GLDN: variants seen among roughly 807,000 people sequenced by gnomAD.
The protein encoded by GLDN is gliomedin, also known as collomin.
A neutral mutation model predicts 56.5 loss-of-function variants in GLDN; 47 were observed. That is an observed-to-expected ratio of 0.83 (90% CI 0.66 to 1.06). The LOEUF (loss-of-function observed/expected upper bound fraction) is 1.06. Among genes scored for constraint, GLDN ranks in the 50% least tolerant of loss-of-function variants. The probability of loss-of-function intolerance (pLI) is 0.00; values close to 1 mark genes in which losing one functional copy is unlikely to be tolerated. For synonymous variants in GLDN, 332 were observed against 278.8 expected (o/e 1.19, Z -1.90); for missense variants, 782 against 714.3 (o/e 1.09, Z -1.08).
chr15:51,394,540 G>C (rs1361971464), intron 4 of GLDN, among the ~76,000 whole-genome samples: 1 of 152,114 alleles, frequency 6.6e-6, no homozygotes, highest in Non-Finnish European at 1.5e-5. Flanking sequence ...TTGAACCAGG[G>C]AGGCAGAGGT....
chr15:51,392,162 C>G (rs906996794), intron 4 of GLDN, among the ~76,000 whole-genome samples: 1 of 152,176 alleles, frequency 6.6e-6, no homozygotes, highest in Non-Finnish European at 1.5e-5. Context: ...ATGAAAGGTG[C>G]TAAGAGCTCC....
intron 9 of GLDN, among the ~76,000 whole-genome samples, chr15:51,403,936 G>A (rs540275379): frequency 6.6e-6 from 1 of 152,158 alleles, no homozygotes; most frequent in Non-Finnish European, 1.5e-5. Flanking sequence ...GGCATTTCAG[G>A]AGGTCAACAA....
Position 51,341,788 on chromosome 15 carries a change from T to G in GLDN, c.104T>G (p.Val35Gly). Residue 35 changes from valine (V) to glycine (G), a missense_variant, in exon 1 of 10, where the codon GTG (valine) becomes GGG (glycine). Coordinates refer to ENST00000335449, the MANE Select transcript of GLDN (RefSeq NM_181789.4). ...LLSALNAAGTVFALCQWRGLS... is the reference protein window; with the variant it reads ...LLSALNAAGTGFALCQWRGLS... ...TCGGCGCTCAACGCTGCGGGCACGG[T>G]GTTCGCGCTGTGCCAGTGGCGCGGG... The G allele has an allele frequency of 6.6e-7, 1 of 1,508,988 alleles. No individual in the cohort carries two copies. The highest frequency in any genetic ancestry group is 8.8e-7 in the Non-Finnish European group (1 of 1,137,836). 93.5% of individuals were successfully genotyped at this position (1,508,988 alleles called of 1,614,324 possible). A position where few individuals can be genotyped will look rare whatever the true frequency, so the allele number is the denominator to read the frequency against.
chr15:51,400,520 C>A, intron 8 of GLDN, 22 bp downstream of exon 8: 1 of 1,609,374 alleles, frequency 6.2e-7, no homozygotes, highest in Non-Finnish European at 8.5e-7. Flanking sequence ...CGGCCTATGA[C>A]CCATATCTGT....
intron 4 of GLDN, among the ~76,000 whole-genome samples, chr15:51,390,367 C>G (rs2037991227): frequency 1.3e-5 from 2 of 152,156 alleles, no homozygotes; most frequent in Non-Finnish European, 2.9e-5. Context: ...GAAACACTAA[C>G]TTAGATCTGA....
At chr15:51,366,763 T>C (rs538160243) in intron 1 of GLDN, among the ~76,000 whole-genome samples, 104 of 152,132 alleles carry the variant, frequency 6.8e-4, no homozygotes, top group African/African-American at 2.4e-3. Context: ...ATTTAAAAAC[T>C]AGCCAGGCAT....
chr15:51,412,504 ATC>A (rs149334237), downstream of GLDN, among the ~76,000 whole-genome samples: 3 of 151,634 alleles, frequency 2.0e-5, no homozygotes, highest in Non-Finnish European at 2.9e-5. Flanking sequence ...CACCCTTGCC[ATC>A]TCTCTCTCTC....
At chr15:51,412,153 A>G (rs1410526144), downstream of GLDN, among the ~76,000 whole-genome samples, 2 of 152,170 alleles carry the variant, frequency 1.3e-5, no homozygotes, top group African/African-American at 2.4e-5. Flanking sequence ...TTTTAAATCA[A>G]TTTTCCAGAT....
At chr15:51,366,805 G>A (rs2037411885) in intron 1 of GLDN, among the ~76,000 whole-genome samples, 1 of 152,052 alleles carries the variant, frequency 6.6e-6, no homozygotes, top group South Asian at 2.1e-4. Flanking sequence ...CAGCCACTCA[G>A]GAGAATTGCT....
intron 1 of GLDN, 61 bp from the exon 2 acceptor site, chr15:51,377,388 A>T (rs1237606945): frequency 7.3e-7 from 1 of 1,364,844 alleles, no homozygotes; most frequent in Non-Finnish European, 1.0e-6. Context: ...TCGTCTGAAT[A>T]AAGGATGAGC....
At chr15:51,365,806 A>G (rs1379050489) in intron 1 of GLDN, among the ~76,000 whole-genome samples, 1 of 152,200 alleles carries the variant, frequency 6.6e-6, no homozygotes, top group Non-Finnish European at 1.5e-5. Context: ...TTTTATGTAT[A>G]GAATGTTCTT....
rs751000961 is a variant in GLDN, at chr15:51,394,923, A to T, written c.630A>T (p.Pro210=). 3.8e-5 allele frequency: 62 copies of T among 1,612,134 alleles called. 2 individuals carry two copies. In the East Asian group the frequency reaches 1.3e-3, roughly 34 times the overall value. The stretch of plus-strand genomic sequence containing the variant: ...GCCTGCAGGGAAATGAGGGCCCACC[A>T]GGGCAGAAGGGAGAAAAGGGTGACA... ...ELGLQGNEGP[P]GQKGEKGDKG... Residue 210 remains proline (P), a synonymous_variant, in exon 5 of 10, where the codon CCA becomes CCT. Transcript: ENST00000335449.
chr15:51,348,498 TA>T (rs1470803742), intron 1 of GLDN, among the ~76,000 whole-genome samples: 7 of 151,818 alleles, frequency 4.6e-5, no homozygotes, highest in East Asian at 1.9e-4. Flanking sequence ...CCTGGCTAAT[TA>T]AAAAAAATTT....
At chr15:51,360,884 C>T (rs144748817) in intron 1 of GLDN, among the ~76,000 whole-genome samples, 3 of 152,196 alleles carry the variant, frequency 2.0e-5, no homozygotes, top group Admixed American at 1.3e-4. Flanking sequence ...TGAGAAAACA[C>T]TCTTACAGAT....
At position 51,406,310 on chromosome 15, in the gene GLDN, C is replaced by G. The variant is rs2038381271; in HGVS notation, c.*1556C>G. 1.3e-5 allele frequency: 2 copies of G among 152,188 alleles called. No homozygotes were observed. Among genetic ancestry groups the G allele is most frequent in the Admixed American group, 1.3e-4 (2 of 15,276 alleles). The allele number at this position is 152,188 out of a possible 1,614,324, so 9.4% of individuals were successfully genotyped here. A position where few individuals can be genotyped will look rare whatever the true frequency, so the allele number is the denominator to read the frequency against. ...ACATCTTTCAGCCCAGCGCTGCGGC[C>G]CCGGGAAGGGCCACTGCGAATAGAG... is the stretch of plus-strand genomic sequence containing the variant. On this transcript the variant is annotated 3_prime_UTR_variant, in exon 10 of 10. Transcript: ENST00000335449.
chr15:51,364,937 A>G (rs1309970629), intron 1 of GLDN, among the ~76,000 whole-genome samples: 1 of 152,242 alleles, frequency 6.6e-6, no homozygotes, highest in African/African-American at 2.4e-5. Context: ...GAAACTACAC[A>G]TTCTAACCTC....
intron 9 of GLDN, among the ~76,000 whole-genome samples, chr15:51,404,051 C>T (rs1227416757): frequency 6.6e-6 from 1 of 152,146 alleles, no homozygotes; most frequent in African/African-American, 2.4e-5. Context: ...ACCACTGTCT[C>T]CCTGTTGCCT....
chr15:51,363,609 G>GA (rs1224323787), intron 1 of GLDN, among the ~76,000 whole-genome samples: 1 of 152,184 alleles, frequency 6.6e-6, no homozygotes, highest in Non-Finnish European at 1.5e-5. Flanking sequence ...GAGTGGGAGG[G>GA]AAAAGAAAAA....
intron 1 of GLDN, among the ~76,000 whole-genome samples, chr15:51,371,524 C>A (rs1402409260): frequency 6.6e-6 from 1 of 152,196 alleles, no homozygotes; most frequent in African/African-American, 2.4e-5. Flanking sequence ...AAGAGTTCTG[C>A]TAATCCAATG....
Sources: allele counts gnomAD v4.1 joint callset (sites outside exome capture counted in the v4.1 genomes callset), GRCh38; gene constraint gnomAD v4.1.1; transcripts MANE v1.5; gene names NCBI Gene and HGNC (gene_info 2026-07-23, HGNC 2026-07-21).